FSHR: variants seen among roughly 807,000 people sequenced by gnomAD.
The protein encoded by FSHR is follicle stimulating hormone receptor, also known as follicle-stimulating hormone receptor.
In FSHR, 46 loss-of-function variants were observed where a neutral mutation model predicts 52.1. The observed-to-expected ratio is 0.88, with a 90% confidence interval of 0.70 to 1.13. The LOEUF is 1.13. FSHR is among the 50% of genes most tolerant of loss of function. The pLI is 0.00. For synonymous variants in FSHR, 399 were observed against 309.6 expected (o/e 1.29, Z -3.03); for missense variants, 964 against 834.6 (o/e 1.16, Z -1.91).
At chr2:49,122,331 G>A (rs538143868) in intron 1 of FSHR, among the ~76,000 whole-genome samples, 5 of 151,934 alleles carry the variant, frequency 3.3e-5, no homozygotes, top group African/African-American at 9.7e-5. Context: ...AATGCATAGA[G>A]GGGGGATGGC....
At chr2:48,964,561 A>G (rs939972223) in intron 9 of FSHR, among the ~76,000 whole-genome samples, 10 of 152,158 alleles carry the variant, frequency 6.6e-5, no homozygotes, top group Admixed American at 5.9e-4. Context: ...GTTCTTTATT[A>G]TCTCACTTTC....
chr2:48,988,652 C>A (rs888155168), intron 6 of FSHR, among the ~76,000 whole-genome samples: 4 of 152,178 alleles, frequency 2.6e-5, no homozygotes, highest in Non-Finnish European at 5.9e-5. Flanking sequence ...TTTCTTTGGG[C>A]AACAAAAGCC....
chr2:48,978,256 A>T (rs571881320), intron 8 of FSHR, among the ~76,000 whole-genome samples: 1 of 152,318 alleles, frequency 6.6e-6, no homozygotes, highest in East Asian at 1.9e-4. Context: ...TGATTTGAAC[A>T]ATTTCTATTT....
At chr2:49,087,579 C>T (rs1274869631) in intron 1 of FSHR, among the ~76,000 whole-genome samples, 1 of 152,062 alleles carries the variant, frequency 6.6e-6, no homozygotes, top group African/African-American at 2.4e-5. Context: ...AAAATAAAAG[C>T]ATGTATAGTC....
At chr2:49,091,431 G>A (rs990880723) in intron 1 of FSHR, among the ~76,000 whole-genome samples, 1 of 152,018 alleles carries the variant, frequency 6.6e-6, no homozygotes, top group Admixed American at 6.6e-5. Flanking sequence ...AGCCTCTTTA[G>A]TAGCTGGGAC....
chr2:48,994,717 T>C (rs1362002096), intron 4 of FSHR, among the ~76,000 whole-genome samples: 1 of 152,178 alleles, frequency 6.6e-6, no homozygotes, highest in African/African-American at 2.4e-5. Context: ...GCTGCAAAAT[T>C]ATTTTGATTC....
At chr2:49,127,891 TCTTCTTC>T (rs1558457065) in intron 1 of FSHR, among the ~76,000 whole-genome samples, 2,194 of 38,852 alleles carry the variant, frequency 0.056, 338 homozygotes, top group South Asian at 0.13. Flanking sequence ...TTCTTCTTCT[TCTTCTTC>T]TTTTTTTTTT....
chr2:49,044,496 A>G (rs1668588439), intron 2 of FSHR, among the ~76,000 whole-genome samples: 1 of 152,202 alleles, frequency 6.6e-6, no homozygotes, highest in African/African-American at 2.4e-5. Flanking sequence ...ATCTCAGTCC[A>G]GTGATTAGCT....
chr2:49,150,499 GTGCAAAGTGTTTCACCCACAT>G (rs1673024268), intron 1 of FSHR, among the ~76,000 whole-genome samples: 1 of 152,000 alleles, frequency 6.6e-6, no homozygotes, highest in Non-Finnish European at 1.5e-5. Flanking sequence ...GAGAGATATT[GTGCAAAGTGTTTCACCCACAT>G]TGTCTCATGT....
chr2:48,971,750 C>T (rs1674750921), intron 8 of FSHR, among the ~76,000 whole-genome samples: 1 of 152,080 alleles, frequency 6.6e-6, no homozygotes. Flanking sequence ...TCAATTTTTG[C>T]CTTTTATATG....
At chr2:49,063,710 A>G (rs1348218918) in intron 2 of FSHR, among the ~76,000 whole-genome samples, 1 of 152,110 alleles carries the variant, frequency 6.6e-6, no homozygotes, top group Non-Finnish European at 1.5e-5. Flanking sequence ...TGGTTAATAG[A>G]TATAAAAGTA....
chr2:49,054,337 C>G (rs1393961718), intron 2 of FSHR, among the ~76,000 whole-genome samples: 1 of 152,100 alleles, frequency 6.6e-6, no homozygotes, highest in African/African-American at 2.4e-5. Flanking sequence ...TCCAAGCTGG[C>G]TAAGCAACCT....
chr2:49,109,243 C>T (rs998203121), intron 1 of FSHR, among the ~76,000 whole-genome samples: 6 of 151,976 alleles, frequency 3.9e-5, no homozygotes, highest in Admixed American at 6.6e-5. Flanking sequence ...GAAGAGTGAG[C>T]GGCTTGGTGT....
intron 1 of FSHR, among the ~76,000 whole-genome samples, chr2:49,089,894 C>T (rs951942975): frequency 2.6e-5 from 4 of 152,166 alleles, no homozygotes; most frequent in Non-Finnish European, 5.9e-5. Flanking sequence ...TAATCCCGAA[C>T]TGTGTGTGCA....
At chr2:48,965,198 A>G (rs1424361592) in intron 9 of FSHR, among the ~76,000 whole-genome samples, 1 of 152,122 alleles carries the variant, frequency 6.6e-6, no homozygotes, top group Non-Finnish European at 1.5e-5. Flanking sequence ...ATTTGATGCT[A>G]AAGGATGAGT....
At chr2:49,075,356 T>C (rs1051678556) in intron 1 of FSHR, among the ~76,000 whole-genome samples, 1 of 151,968 alleles carries the variant, frequency 6.6e-6, no homozygotes, top group Non-Finnish European at 1.5e-5. Context: ...CATTGCAAGA[T>C]TTAAATTTGC....
chr2:48,999,871 T>C (rs1413355183), intron 4 of FSHR, among the ~76,000 whole-genome samples: 1 of 152,130 alleles, frequency 6.6e-6, no homozygotes, highest in African/African-American at 2.4e-5. Flanking sequence ...TAGTATATCC[T>C]GAGTTTGGTG....
chr2:49,053,394 T>C (rs1668940041), intron 2 of FSHR, among the ~76,000 whole-genome samples: 1 of 152,202 alleles, frequency 6.6e-6, no homozygotes, highest in Admixed American at 6.5e-5. Context: ...ATTTTTCTGG[T>C]TACCATAAAT....
At chr2:49,113,408 T>G (rs535029339) in intron 1 of FSHR, among the ~76,000 whole-genome samples, 1 of 152,298 alleles carries the variant, frequency 6.6e-6, no homozygotes, top group Non-Finnish European at 1.5e-5. Flanking sequence ...TGCAGGAATT[T>G]AAAAGGATGA....
Sources: gnomAD v4.1 joint callset for allele counts (sites outside exome capture counted in the v4.1 genomes callset) on GRCh38, gnomAD v4.1.1 for gene constraint, MANE v1.5 for transcripts, NCBI Gene and HGNC (gene_info 2026-07-23, HGNC 2026-07-21) for gene names.